Variants in PDE10A observed in about 807,000 individuals in gnomAD.
PDE10A encodes the protein cAMP and cAMP-inhibited cGMP 3',5'-cyclic phosphodiesterase 10A.
In PDE10A, 39 loss-of-function variants were observed where a neutral mutation model predicts 97.7. The ratio of observed to expected loss-of-function variants is 0.40; its 90% CI spans 0.31 to 0.52. The LOEUF is 0.52. PDE10A is among the 20% of genes least tolerant of loss of function. The pLI is 0.56. For synonymous variants in PDE10A, 371 were observed against 376.8 expected (o/e 0.98, Z 0.18); for missense variants, 731 against 1,047.8 (o/e 0.70, Z 4.17).
chr6:165,931,611 T>C (rs1378467820), intron 1 of PDE10A, among the ~76,000 whole-genome samples: 4 of 152,258 alleles, frequency 2.6e-5, no homozygotes, highest in Admixed American at 2.6e-4. Flanking sequence ...AATGCTTTTC[T>C]ATGGGCAGCA....
chr6:165,767,322 T>C (rs1468342845), intron 1 of PDE10A, among the ~76,000 whole-genome samples: 1 of 152,230 alleles, frequency 6.6e-6, no homozygotes, highest in Non-Finnish European at 1.5e-5. Context: ...CCTTTAAAAG[T>C]ACACAATTCA....
At chr6:165,754,763 A>C (rs1046083945) in intron 1 of PDE10A, among the ~76,000 whole-genome samples, 2 of 152,146 alleles carry the variant, frequency 1.3e-5, no homozygotes, top group Admixed American at 6.5e-5. Context: ...TGATAATAGT[A>C]ATAGTCCCTT....
intron 1 of PDE10A, among the ~76,000 whole-genome samples, chr6:165,568,144 G>A (rs577047125): frequency 9.2e-5 from 14 of 151,842 alleles, no homozygotes; most frequent in Middle Eastern, 3.4e-3. Context: ...GACTACAAGC[G>A]CCCGCCACCA....
In PDE10A at chr6:165,459,510, TAGATAGATAGATAGACAGACAGAC is replaced by T. The variant is rs1167751842; in HGVS notation, c.1024-9172_1024-9149del. Among the ~76,000 whole-genome samples the T allele has an allele frequency of 3.0e-3, 178 of 59,604 alleles. 1 individual carries two copies. The highest frequency in any genetic ancestry group is 0.014 in the African/African-American group (167 of 12,256). The allele number at this position is 59,604 out of a possible 152,430, so 39.1% of individuals were successfully genotyped here. A position where few individuals can be genotyped will look rare whatever the true frequency, so the allele number is the denominator to read the frequency against. The stretch of plus-strand genomic sequence containing the variant: ...TGCATTAGATAGATAGATAGATAGA[TAGATAGATAGATAGACAGACAGAC>T]AGACAGACAGACAGACAGACAGACA... On this transcript the variant is annotated intron_variant, in intron 3 of 21. Coordinates refer to ENST00000539869, the MANE Select transcript of PDE10A (RefSeq NM_001385079.1).
chr6:165,626,101 C>CT (rs1454322802), intron 1 of PDE10A, among the ~76,000 whole-genome samples: 1 of 152,128 alleles, frequency 6.6e-6, no homozygotes, highest in Non-Finnish European at 1.5e-5. Flanking sequence ...AAGAAGGGTC[C>CT]TGGGGATCAA....
intron 1 of PDE10A, among the ~76,000 whole-genome samples, chr6:165,921,610 G>A (rs1179581414): frequency 2.0e-5 from 3 of 152,146 alleles, no homozygotes; most frequent in African/African-American, 7.2e-5. Flanking sequence ...TAACATTTGG[G>A]CACAGATCAA....
chr6:165,534,028 T>C (rs1782935196), intron 2 of PDE10A, among the ~76,000 whole-genome samples: 1 of 152,008 alleles, frequency 6.6e-6, no homozygotes, highest in African/African-American at 2.4e-5. Flanking sequence ...CAGATGAGAA[T>C]AGGCAATTTT....
intron 2 of PDE10A, among the ~76,000 whole-genome samples, chr6:165,484,965 C>T (rs1427082373): frequency 2.0e-5 from 3 of 152,086 alleles, no homozygotes; most frequent in Admixed American, 2.0e-4. Flanking sequence ...GGGGGAAGAC[C>T]TCATCATGAG....
At chr6:165,913,076 T>A (rs1782505324) in intron 1 of PDE10A, among the ~76,000 whole-genome samples, 1 of 152,150 alleles carries the variant, frequency 6.6e-6, no homozygotes. Context: ...TGTGCAAGAT[T>A]ATCTAAATTA....
At chr6:165,572,031 T>C (rs1372909577) in intron 1 of PDE10A, among the ~76,000 whole-genome samples, 1 of 152,214 alleles carries the variant, frequency 6.6e-6, no homozygotes, top group African/African-American at 2.4e-5. Context: ...CACAGAAGAA[T>C]TGTGTCCGCT....
intron 1 of PDE10A, among the ~76,000 whole-genome samples, chr6:165,966,310 G>T (rs959726823): frequency 2.0e-5 from 3 of 152,234 alleles, no homozygotes; most frequent in Non-Finnish European, 4.4e-5. Flanking sequence ...CACAGAGAGA[G>T]CATTCAGATT....
chr6:165,580,233 TC>T (rs1562599039), intron 1 of PDE10A, among the ~76,000 whole-genome samples: 1 of 151,676 alleles, frequency 6.6e-6, no homozygotes, highest in Non-Finnish European at 1.5e-5. Flanking sequence ...CAGGAGAGAG[TC>T]ATGAGGAGGA....
chr6:165,810,442 T>C (rs1432311730), intron 1 of PDE10A, among the ~76,000 whole-genome samples: 1 of 152,124 alleles, frequency 6.6e-6, no homozygotes, highest in Non-Finnish European at 1.5e-5. Flanking sequence ...AGCCTGGCAT[T>C]CACCCTGCTT....
chr6:165,406,447 C>T (rs1201352409), intron 13 of PDE10A, among the ~76,000 whole-genome samples: 1 of 152,098 alleles, frequency 6.6e-6, no homozygotes, highest in East Asian at 1.9e-4. Context: ...CATAATTCTC[C>T]TTGGAAGTAT....
chr6:165,844,302 G>A (rs1365368623), intron 1 of PDE10A, among the ~76,000 whole-genome samples: 1 of 152,142 alleles, frequency 6.6e-6, no homozygotes, highest in Non-Finnish European at 1.5e-5. Flanking sequence ...GCAGAACCGA[G>A]GACAGAGGAA....
chr6:165,854,360 G>A (rs1247687077), intron 1 of PDE10A, among the ~76,000 whole-genome samples: 6 of 152,166 alleles, frequency 3.9e-5, no homozygotes, highest in African/African-American at 1.4e-4. Context: ...TGGTCCCTGG[G>A]GAACGGGGAG....
At chr6:165,930,329 AG>A (rs1328336702) in intron 1 of PDE10A, among the ~76,000 whole-genome samples, 4 of 152,220 alleles carry the variant, frequency 2.6e-5, no homozygotes, top group African/African-American at 9.6e-5. Context: ...AAAAGAAGTT[AG>A]GGACAAGTGG....
At chr6:165,694,194 G>A (rs1388777640) in intron 1 of PDE10A, among the ~76,000 whole-genome samples, 1 of 152,192 alleles carries the variant, frequency 6.6e-6, no homozygotes, top group Non-Finnish European at 1.5e-5. Context: ...TTAATTAGAT[G>A]CAGAGACAAA....
chr6:165,913,687 G>A (rs1782529166), intron 1 of PDE10A, among the ~76,000 whole-genome samples: 1 of 152,160 alleles, frequency 6.6e-6, no homozygotes, highest in Non-Finnish European at 1.5e-5. Flanking sequence ...ATGGCATGTG[G>A]CTTGGGTCAC....
Sources: gnomAD v4.1 joint callset for allele counts (sites outside exome capture counted in the v4.1 genomes callset) on GRCh38, gnomAD v4.1.1 for gene constraint, MANE v1.5 for transcripts, NCBI Gene and HGNC (gene_info 2026-07-23, HGNC 2026-07-21) for gene names.